ZNF608: variants seen among roughly 807,000 people sequenced by gnomAD.
The protein encoded by ZNF608 is zinc finger protein 608.
A neutral mutation model predicts 109.0 loss-of-function variants in ZNF608; 12 were observed. The ratio of observed to expected loss-of-function variants is 0.11; its 90% CI spans 0.07 to 0.18. The LOEUF is 0.18. Among genes scored for constraint, ZNF608 ranks in the 10% least tolerant of loss-of-function variants. The pLI is 1.00. For missense variants in ZNF608, 1,707 were observed against 1,879.3 expected (o/e 0.91, Z 1.70); for synonymous variants, 732 against 717.4 (o/e 1.02, Z -0.33).
rs73782080 is a variant in ZNF608 at position 124,745,642 on chromosome 5, T to C, written c.-183-470A>G. Among the ~76,000 whole-genome samples, 1,470 of 152,308 alleles carry C rather than the reference T, an allele frequency of 9.7e-3. 21 individuals carry two copies. The highest frequency in any genetic ancestry group is 0.034 in the African/African-American group (1,402 of 41,550). On this transcript the variant is annotated intron_variant, in intron 1 of 9. Transcript: ENST00000513986. Reference sequence around the variant, plus strand: ...GACCAGACCCTGGAAGTTCTGAGGCTAGTTTTCAGAATAGAATGTTGCTAA... The same window carrying C: ...GACCAGACCCTGGAAGTTCTGAGGCCAGTTTTCAGAATAGAATGTTGCTAA...
intron 3 of ZNF608, among the ~76,000 whole-genome samples, chr5:124,679,393 T>C (rs1752093867): frequency 6.6e-6 from 1 of 151,542 alleles, no homozygotes; most frequent in Admixed American, 6.6e-5. Flanking sequence ...CCCTCCTTCC[T>C]TCTTTCCTTT....
At position 124,648,656 on chromosome 5, in the gene ZNF608, A is replaced by G; in HGVS notation, c.1728T>C (p.His576=). ...GCTTGTTTTCTGGGTCTAAGTGTGC[A>G]TGAGCCTGGTGGTACCTCAGGCCGT... ...HINGLRYHQA[H]AHLDPENKLE... The change falls in exon 5 of 10, where the codon CAT becomes CAC. Residue 576 remains histidine, a synonymous_variant. Coordinates refer to ENST00000513986, the MANE Select transcript of ZNF608 (RefSeq NM_020747.3). 3 of 1,614,224 alleles carry G rather than the reference A, an allele frequency of 1.9e-6. No individual in the cohort carries two copies. The highest frequency in any genetic ancestry group is 2.5e-6 in the Non-Finnish European group (3 of 1,180,040).
chr5:124,645,574 G>T (rs1332284729), intron 5 of ZNF608, among the ~76,000 whole-genome samples: 3 of 152,106 alleles, frequency 2.0e-5, no homozygotes, highest in African/African-American at 7.2e-5. Context: ...GGGGGTGAGG[G>T]TGGGAGTGGG....
chr5:124,712,716 C>T (rs923900823), intron 2 of ZNF608, among the ~76,000 whole-genome samples: 54 of 152,128 alleles, frequency 3.5e-4, no homozygotes, highest in African/African-American at 1.2e-3. Flanking sequence ...CTCCAGCTAC[C>T]AGAAGAACAA....
upstream of ZNF608, among the ~76,000 whole-genome samples, chr5:124,747,222 G>A (rs1035588114): frequency 3.5e-5 from 5 of 143,308 alleles, no homozygotes; most frequent in Non-Finnish European, 7.5e-5. Context: ...TCTTATACTC[G>A]CAGCAAACGG....
chr5:124,658,099 T>C (rs561132144), intron 3 of ZNF608, among the ~76,000 whole-genome samples: 2 of 152,294 alleles, frequency 1.3e-5, no homozygotes, highest in African/African-American at 2.4e-5. Flanking sequence ...AGTCCCTACT[T>C]TGGGGACAGG....
At position 124,666,709 on chromosome 5, in the gene ZNF608, C is replaced by CTGTG. The variant is rs10546271; in HGVS notation, c.1163-17016_1163-17013dup. ...TATCAAAATACAAACTGGGTTTGCT[C>CTGTG]TGTGTGTGTGTGTGTGTGTGTGTGT... On this transcript the variant is annotated intron_variant, in intron 3 of 9. Transcript: ENST00000513986. Among the ~76,000 whole-genome samples, 642 of 141,044 alleles carry CTGTG rather than the reference C, an allele frequency of 4.6e-3. 2 individuals carry two copies. The highest frequency in any genetic ancestry group is 0.012 in the Middle Eastern group (3 of 260). The allele number at this position is 141,044 out of a possible 152,430, so 92.5% of individuals were successfully genotyped here.
intron 2 of ZNF608, among the ~76,000 whole-genome samples, chr5:124,707,290 C>G (rs1347116606): frequency 6.6e-6 from 1 of 152,138 alleles, no homozygotes; most frequent in Non-Finnish European, 1.5e-5. Flanking sequence ...GGCTCTGCTG[C>G]CAGGTAGAAG....
chr5:124,697,363 T>A (rs1752892238), intron 3 of ZNF608, among the ~76,000 whole-genome samples: 1 of 151,980 alleles, frequency 6.6e-6, no homozygotes, highest in Non-Finnish European at 1.5e-5. Context: ...TTCTGGTTTG[T>A]TTTGTTATTT....
chr5:124,703,811 G>T lies in ZNF608; in HGVS notation c.907-2542C>A, dbSNP rs907267822. ...GCAACAACAAATGCACTTTTCAGCCGCCTAATATTGATGACATATCCTATC... is the reference window on the plus strand; with the variant it reads ...GCAACAACAAATGCACTTTTCAGCCTCCTAATATTGATGACATATCCTATC... On this transcript the variant is annotated intron_variant, in intron 2 of 9. Coordinates refer to ENST00000513986, the MANE Select transcript of ZNF608 (RefSeq NM_020747.3). 5.9e-5 allele frequency among the ~76,000 whole-genome samples: 9 copies of T among 151,926 alleles called. No individual in the cohort carries two copies. In the South Asian group the frequency reaches 1.7e-3, roughly 28 times the overall value.
chr5:124,665,063 T>C (rs1306821964), intron 3 of ZNF608, among the ~76,000 whole-genome samples: 1 of 151,798 alleles, frequency 6.6e-6, no homozygotes, highest in Non-Finnish European at 1.5e-5. Flanking sequence ...TAATCCCAGC[T>C]ACTCAGGAGG....
At chr5:124,694,315 T>TACCCTG (rs1267572542) in intron 3 of ZNF608, among the ~76,000 whole-genome samples, 1 of 151,604 alleles carries the variant, frequency 6.6e-6, no homozygotes, top group Non-Finnish European at 1.5e-5. Context: ...AAAATGAAAA[T>TACCCTG]ACCCTGATGA....
chr5:124,669,835 T>C (rs116228575), intron 3 of ZNF608, among the ~76,000 whole-genome samples: 1,554 of 152,306 alleles, frequency 0.01, 24 homozygotes, highest in African/African-American at 0.035. Flanking sequence ...GTGATTCTTA[T>C]CAGAGCCACT....
chr5:124,669,117 A>G (rs1297569419), intron 3 of ZNF608, among the ~76,000 whole-genome samples: 1 of 152,142 alleles, frequency 6.6e-6, no homozygotes, highest in Non-Finnish European at 1.5e-5. Context: ...AGCAGTAGTG[A>G]CTTTACTGCC....
intron 3 of ZNF608, among the ~76,000 whole-genome samples, chr5:124,673,078 C>G (rs966171135): frequency 9.2e-4 from 140 of 152,236 alleles, no homozygotes; most frequent in African/African-American, 3.1e-3. Context: ...ATTTCTGGAG[C>G]CTCCAATAGC....
intron 3 of ZNF608, among the ~76,000 whole-genome samples, chr5:124,659,112 C>A (rs1316986932): frequency 6.6e-6 from 1 of 151,486 alleles, no homozygotes; most frequent in East Asian, 2.0e-4. Flanking sequence ...CCATTCAAAT[C>A]ATTGGTCCCA....
intron 3 of ZNF608, among the ~76,000 whole-genome samples, chr5:124,690,802 T>A (rs937691529): frequency 3.3e-5 from 5 of 151,892 alleles, no homozygotes; most frequent in African/African-American, 1.2e-4. Flanking sequence ...ACTAAAAAGA[T>A]TCCACAGAGT....
At position 124,712,444 on chromosome 5, in the gene ZNF608, T is replaced by A. The variant is rs1208540159; in HGVS notation, c.907-11175A>T. The stretch of plus-strand genomic sequence containing the variant: ...AATGAAGCCAGTGGAGTGGCTGAGT[T>A]GGCTCAGGGAAAATGCAAAGAATGT... On this transcript the variant is annotated intron_variant, in intron 2 of 9. Transcript: ENST00000513986. Among the ~76,000 whole-genome samples the A allele has an allele frequency of 2.6e-5, 4 of 152,216 alleles. No individual in the cohort carries two copies. The East Asian group carries it at 5.8e-4, about 22-fold the overall frequency.
At position 124,637,906 on chromosome 5, in the gene ZNF608, T is replaced by C. The variant is rs781200514; in HGVS notation, c.4533A>G (p.Arg1511=). The change falls in exon 10 of 10, where the codon AGA becomes AGG. Residue 1511 remains arginine (R), a splice_region_variant and synonymous_variant. Transcript: ENST00000513986. ...ATGTACATGTCCAATCTTGTTATTC[T>C]CTGCAAAAGAAAAGCAAACCTTAGC... The part of the protein sequence containing the change: ...SASGMFPGQR[R]E The C allele has an allele frequency of 1.9e-6, 3 of 1,612,000 alleles. No homozygotes were observed. In the South Asian group the frequency reaches 3.3e-5, roughly 18 times the overall value.
Sources: allele counts gnomAD v4.1 joint callset (sites outside exome capture counted in the v4.1 genomes callset), GRCh38; gene constraint gnomAD v4.1.1; transcripts MANE v1.5; gene names NCBI Gene and HGNC (gene_info 2026-07-23, HGNC 2026-07-21).